The following CFHR1 variants were observed in gnomAD, a reference collection of about 807,000 sequenced individuals.
CFHR1 encodes the protein complement factor H-related protein 1.
CFHR1 carries 22 observed loss-of-function variants against 30.4 expected under a neutral mutation model. The ratio of observed to expected loss-of-function variants is 0.72; its 90% CI spans 0.52 to 1.03. The LOEUF is 1.03. Ranked by LOEUF, CFHR1 falls within the 50% of genes least tolerant of loss-of-function variation. The pLI is 0.00. For synonymous variants in CFHR1, 95 were observed against 129.1 expected, an observed-to-expected ratio of 0.74 and a Z score of 1.79; for missense variants, 248 against 380.6, an observed-to-expected ratio of 0.65 and a Z score of 2.90.
rs1655106892 is a variant in CFHR1, at chr1:196,821,150, TTTTA to T, written c.58+1252_58+1255del. 2 of 140,098 alleles carry T rather than the reference TTTTA, an allele frequency of 1.4e-5. 1 individual carries two copies. The highest frequency in any genetic ancestry group is 3.0e-5 in the Non-Finnish European group (2 of 66,016). The allele number at this position is 140,098 out of a possible 1,614,324, so 8.7% of individuals were successfully genotyped here. The stretch of plus-strand genomic sequence containing the variant: ...CACCACGCCTGGCCCTTGAAATTCG[TTTTA>T]TTTTGTTTTCACTTTTAGTGCTGAG... On this transcript the variant is annotated intron_variant, in intron 1 of 5. Transcript: ENST00000320493.
intron 4 of CFHR1, among the ~76,000 whole-genome samples, chr1:196,828,869 A>G (rs1176172174): frequency 7.6e-6 from 1 of 131,026 alleles, no homozygotes; most frequent in East Asian, 2.0e-4. Context: ...TGTAGACAGC[A>G]TATAGTTGGG....
intron 1 of CFHR1, among the ~76,000 whole-genome samples, chr1:196,822,030 T>C (rs2124884193): frequency 7.6e-6 from 1 of 131,690 alleles, no homozygotes; most frequent in East Asian, 2.0e-4. Context: ...ACAATAAAAA[T>C]ACAGTATAAA....
chr1:196,823,404 C>T lies in CFHR1; in HGVS notation c.59-2073C>T, dbSNP rs1409133770. ...GGTACAAATGTATGAAAATAAACTA[C>T]TATAATTTTGGAGGAGTGAAGGATA... is the stretch of plus-strand genomic sequence containing the variant. On this transcript the variant is annotated intron_variant, in intron 1 of 5. Transcript: ENST00000320493. Among the ~76,000 whole-genome samples the T allele has an allele frequency of 1.5e-5, 2 of 134,510 alleles. 1 individual carries two copies. The highest frequency in any genetic ancestry group is 6.4e-5 in the African/African-American group (2 of 31,354). 88.2% of individuals were successfully genotyped at this position (134,510 alleles called of 152,430 possible).
intron 3 of CFHR1, among the ~76,000 whole-genome samples, chr1:196,827,735 T>C (rs1318559772): frequency 2.0e-5 from 2 of 102,008 alleles, no homozygotes; most frequent in Non-Finnish European, 3.8e-5. Context: ...TAATGTTAAA[T>C]AAATAGAACT....
chr1:196,824,984 A>G (rs6691990), intron 1 of CFHR1, among the ~76,000 whole-genome samples: 1,584 of 130,176 alleles, frequency 0.012, 418 homozygotes, highest in African/African-American at 0.05. Context: ...TGATATTAAT[A>G]AACAAAAAAC....
rs1344717809 is a variant in CFHR1, at chr1:196,825,900, AT to A, written c.253+236del. 1.8e-5 allele frequency: 7 copies of A among 388,330 alleles called. 1 individual carries two copies. Among genetic ancestry groups the A allele is most frequent in the African/African-American group, 1.6e-4 (6 of 37,388 alleles). 24.1% of individuals were successfully genotyped at this position (388,330 alleles called of 1,614,324 possible). A position where few individuals can be genotyped will look rare whatever the true frequency, so the allele number is the denominator to read the frequency against. ...ATGCTCTACGTGTTGAAATATATTA[AT>A]TTTTTTAAACTGATCTTTAATATAT... On this transcript the variant is annotated intron_variant, in intron 2 of 5. Transcript: ENST00000320493.
rs9787295 is a variant in CFHR1, at chr1:196,822,763, G to T, written c.59-2714G>T. On this transcript the variant is annotated intron_variant, in intron 1 of 5. Coordinates refer to ENST00000320493, the MANE Select transcript of CFHR1 (RefSeq NM_002113.3). ...TTACAGTTAATTTTTTTAATCAATA[G>T]AAGAAGTTAACTATAAAATACTAAT... Among the ~76,000 whole-genome samples the T allele has an allele frequency of 2.6e-4, 35 of 134,328 alleles. 8 individuals are homozygous for T. Among genetic ancestry groups the T allele is most frequent in the African/African-American group, 1.1e-3 (35 of 31,108 alleles). The allele number at this position is 134,328 out of a possible 152,430, so 88.1% of individuals were successfully genotyped here. A position where few individuals can be genotyped will look rare whatever the true frequency, so the allele number is the denominator to read the frequency against.
In CFHR1 at chr1:196,828,083, G is replaced by A. The variant is rs1309052010; in HGVS notation, c.444G>A (p.Val148=). 3 of 1,484,680 alleles carry A rather than the reference G, an allele frequency of 2.0e-6. No homozygotes were observed. Among genetic ancestry groups the A allele is most frequent in the Non-Finnish European group, 2.7e-6 (3 of 1,107,910 alleles). 92.0% of individuals were successfully genotyped at this position (1,484,680 alleles called of 1,614,324 possible). Residue 148 remains valine (V), a synonymous_variant, in exon 4 of 6, where the codon GTG becomes GTA. Coordinates refer to ENST00000320493, the MANE Select transcript of CFHR1 (RefSeq NM_002113.3). The part of the protein sequence containing the change: ...PKCRSTDTSC[V]NPPTVQNAHI... ...TTTTCTACTCAGACACTTCCTGTGT[G>A]AATCCGCCCACAGTACAAAATGCTC...
rs1228259691 is a variant in CFHR1, at chr1:196,826,598, G to T, written c.254-231G>T. Among the ~76,000 whole-genome samples, 2 of 132,486 alleles carry T rather than the reference G, an allele frequency of 1.5e-5. 1 individual carries two copies. Among genetic ancestry groups the T allele is most frequent in the African/African-American group, 6.6e-5 (2 of 30,380 alleles). 86.9% of individuals were successfully genotyped at this position (132,486 alleles called of 152,430 possible). ...CCAGAGTAGCTGGAATTATAAGTGCGCACCACTATGCCCGCTAATTTTTGT... is the reference window on the plus strand; with the variant it reads ...CCAGAGTAGCTGGAATTATAAGTGCTCACCACTATGCCCGCTAATTTTTGT... On this transcript the variant is annotated intron_variant, in intron 2 of 5. Transcript: ENST00000320493.
chr1:196,824,595 A>G (rs1655250132), intron 1 of CFHR1, among the ~76,000 whole-genome samples: 1 of 131,366 alleles, frequency 7.6e-6, no homozygotes, highest in Non-Finnish European at 1.6e-5. Flanking sequence ...AGTATTTATA[A>G]TACCTAATAC....
chr1:196,820,469 T>C (rs1379347382), intron 1 of CFHR1, among the ~76,000 whole-genome samples: 1 of 102,762 alleles, frequency 9.7e-6, no homozygotes, highest in Non-Finnish European at 1.9e-5. Flanking sequence ...ATGTTGAGAA[T>C]GAAGTAATGT....
At position 196,827,052 on chromosome 1, in the gene CFHR1, T is replaced by G; in HGVS notation, c.430+47T>G. ...CATATGCTGTTATCTATTATAAAGT[T>G]TGAGAGAAATAAATCTTTTTTACAG... On this transcript the variant is annotated intron_variant, in intron 3 of 5. Transcript: ENST00000320493. 6 of 1,468,866 alleles carry G rather than the reference T, an allele frequency of 4.1e-6. 2 individuals carry two copies. The highest frequency in any genetic ancestry group is 5.6e-6 in the Non-Finnish European group (6 of 1,079,346). The allele number at this position is 1,468,866 out of a possible 1,614,324, so 91.0% of individuals were successfully genotyped here.
chr1:196,830,090 A>G (rs945288377), intron 4 of CFHR1, among the ~76,000 whole-genome samples: 2 of 135,170 alleles, frequency 1.5e-5, no homozygotes, highest in Non-Finnish European at 3.1e-5. Flanking sequence ...TTTTTATCAT[A>G]CTTTTCCATT....
rs1471461464 is a variant in CFHR1 at position 196,831,782 on chromosome 1, G to C, written c.791-15G>C. 1.3e-6 allele frequency: 2 copies of C among 1,518,020 alleles called. No homozygotes were observed. The highest frequency in any genetic ancestry group is 8.9e-7 in the Non-Finnish European group (1 of 1,122,664). The allele number at this position is 1,518,020 out of a possible 1,614,324, so 94.0% of individuals were successfully genotyped here. ...TACTACTTAATGTTTTATGTTTACT[G>C]TTTTTTATTTTCAGATCCGTGTGTA... On this transcript the variant is annotated splice_polypyrimidine_tract_variant and intron_variant, in intron 5 of 5. Transcript: ENST00000320493.
At chr1:196,829,570 A>G (rs1655464760) in intron 4 of CFHR1, among the ~76,000 whole-genome samples, 2 of 134,488 alleles carry the variant, frequency 1.5e-5, no homozygotes, top group Admixed American at 1.4e-4. Flanking sequence ...CTTTACTTGT[A>G]AAAGATCGTG....
intron 1 of CFHR1, among the ~76,000 whole-genome samples, chr1:196,824,420 G>A (rs1343573322): frequency 7.7e-6 from 1 of 130,432 alleles, no homozygotes; most frequent in Admixed American, 7.4e-5. Context: ...ACCACACCTG[G>A]CTAATTTTTG....
rs1240975164 is a variant in CFHR1, at chr1:196,822,334, T to A, written c.58+2432T>A. Among the ~76,000 whole-genome samples, 3 of 131,518 alleles carry A rather than the reference T, an allele frequency of 2.3e-5. 1 individual carries two copies. The highest frequency in any genetic ancestry group is 6.7e-5 in the African/African-American group (2 of 29,938). 86.3% of individuals were successfully genotyped at this position (131,518 alleles called of 152,430 possible). On this transcript the variant is annotated intron_variant, in intron 1 of 5. Transcript: ENST00000320493. ...CACCCAGGATAGACTAAATTTATTTTAAACTTTTCTTCGATAATAAATTAA... is the reference window on the plus strand; with the variant it reads ...CACCCAGGATAGACTAAATTTATTTAAAACTTTTCTTCGATAATAAATTAA...
chr1:196,827,067 CT>C, intron 3 of CFHR1, 62 bp downstream of exon 3: 4 of 1,423,222 alleles, frequency 2.8e-6, no homozygotes, highest in Non-Finnish European at 3.8e-6. Flanking sequence ...AGAAATAAAT[CT>C]TTTTTACAGG....
chr1:196,825,623 C>G lies in CFHR1; in HGVS notation c.205C>G (p.Arg69Gly). ...GTCTCCTTCAAAATCATTTTGGACT[C>G]GCATAACATGCACAGAAGAAGGATG... ...FVSPSKSFWT[R>G]ITCTEEGWSP... The change falls in exon 2 of 6, where the codon CGC (arginine) becomes GGC (glycine). Residue 69 changes from arginine (R) to glycine (G), a missense_variant. Arg to Gly is a moderately radical substitution (Grantham distance 125). Coordinates refer to ENST00000320493, the MANE Select transcript of CFHR1 (RefSeq NM_002113.3). 6.6e-7 allele frequency: 1 copy of G among 1,524,892 alleles called. No homozygotes were observed. The highest frequency in any genetic ancestry group is 1.7e-5 in the Admixed American group (1 of 57,864). The allele number at this position is 1,524,892 out of a possible 1,614,324, so 94.5% of individuals were successfully genotyped here. A position where few individuals can be genotyped will look rare whatever the true frequency, so the allele number is the denominator to read the frequency against.
Sources: gnomAD v4.1 joint callset for allele counts (sites outside exome capture counted in the v4.1 genomes callset) on GRCh38, gnomAD v4.1.1 for gene constraint, MANE v1.5 for transcripts, NCBI Gene and HGNC (gene_info 2026-07-23, HGNC 2026-07-21) for gene names.